The following MAP2K5 variants were observed in gnomAD, a reference collection of about 807,000 sequenced individuals.
MAP2K5 encodes dual specificity mitogen-activated protein kinase kinase 5.
MAP2K5 carries 49 observed loss-of-function variants against 83.1 expected under a neutral mutation model. That is an observed-to-expected ratio of 0.59 (90% CI 0.47 to 0.75). The LOEUF (loss-of-function observed/expected upper bound fraction) is 0.75. MAP2K5 is among the 30% of genes least tolerant of loss of function. The pLI is 0.00. For missense variants in MAP2K5, 457 were observed against 557.5 expected (o/e 0.82, Z 1.82); for synonymous variants, 202 against 191.8 (o/e 1.05, Z -0.44).
At chr15:67,706,232 T>C (rs181579094) in intron 16 of MAP2K5, among the ~76,000 whole-genome samples, 1 of 152,308 alleles carries the variant, frequency 6.6e-6, no homozygotes, top group Admixed American at 6.5e-5. Flanking sequence ...AGAGACTCTT[T>C]GTAGTGTAAG....
intron 4 of MAP2K5, among the ~76,000 whole-genome samples, chr15:67,585,249 G>A (rs2141001204): frequency 6.6e-6 from 1 of 152,180 alleles, no homozygotes; most frequent in East Asian, 1.9e-4. Flanking sequence ...TTGCTGAATT[G>A]GAAAAGTACT....
Position 67,717,998 on chromosome 15 carries a change from C to T in MAP2K5, c.1045-9918C>T, listed in dbSNP as rs2088866939. 1 of 152,180 alleles carries T rather than the reference C, an allele frequency of 6.6e-6. No individual in the cohort carries two copies. The highest frequency in any genetic ancestry group is 2.1e-4 in the South Asian group (1 of 4,822). 9.4% of individuals were successfully genotyped at this position (152,180 alleles called of 1,614,324 possible). ...GCTGTAGATTCTTTTAAGGCCATCA[C>T]TGGAAGCACGGCACATTTCAGAAAG... On this transcript the variant is annotated intron_variant, in intron 16 of 21. Coordinates refer to ENST00000178640, the MANE Select transcript of MAP2K5 (RefSeq NM_145160.3). This position sits in a 1 kb window ranked among gnomAD's most constrained non-coding sequence, Gnocchi z 4.1.
chr15:67,607,242 G>A (rs1012982237), intron 8 of MAP2K5, among the ~76,000 whole-genome samples: 1 of 152,088 alleles, frequency 6.6e-6, no homozygotes, highest in Non-Finnish European at 1.5e-5. Flanking sequence ...TATATGACTG[G>A]ATTGCATTAT....
intron 1 of MAP2K5, chr15:67,546,692 GT>G: frequency 1.2e-6 from 1 of 820,004 alleles, no homozygotes; most frequent in Non-Finnish European, 1.5e-6. Context: ...TGGTTAGTGT[GT>G]GATGAGAGAG....
At chr15:67,575,422 C>CA (rs1227912495) in intron 3 of MAP2K5, among the ~76,000 whole-genome samples, 1 of 152,142 alleles carries the variant, frequency 6.6e-6, no homozygotes, top group Non-Finnish European at 1.5e-5. Context: ...AGCCAGAGGT[C>CA]ACCTAGGTCA....
chr15:67,673,239 C>G (rs1459346991), intron 13 of MAP2K5, among the ~76,000 whole-genome samples: 1 of 151,688 alleles, frequency 6.6e-6, no homozygotes, highest in Admixed American at 6.6e-5. Context: ...AATGGTAGAT[C>G]CACCGGAAGT....
At chr15:67,666,340 A>T (rs906679191) in intron 13 of MAP2K5, among the ~76,000 whole-genome samples, 1 of 152,176 alleles carries the variant, frequency 6.6e-6, no homozygotes, top group Non-Finnish European at 1.5e-5. Flanking sequence ...CATGCTGATA[A>T]GTTGATGTAC....
intron 20 of MAP2K5, 59 bp from the exon 21 acceptor site, chr15:67,772,648 A>G (rs2090164341): frequency 4.3e-6 from 5 of 1,154,340 alleles, no homozygotes; most frequent in Admixed American, 5.0e-5. Context: ...GGTAGAAATT[A>G]TAGCAAAAAT....
chr15:67,672,090 C>G (rs1193752518), intron 13 of MAP2K5, among the ~76,000 whole-genome samples: 2 of 151,870 alleles, frequency 1.3e-5, no homozygotes, highest in Non-Finnish European at 2.9e-5. Flanking sequence ...GGTTCCAAGT[C>G]TTTGCTATTG....
Position 67,562,124 on chromosome 15 carries a change from G to A in MAP2K5, c.185-1159G>A, listed in dbSNP as rs556192351. Among the ~76,000 whole-genome samples the A allele has an allele frequency of 6.6e-6, 1 of 152,330 alleles. No homozygotes were observed. The highest frequency in any genetic ancestry group is 2.4e-5 in the African/African-American group (1 of 41,568). On this transcript the variant is annotated intron_variant, in intron 2 of 21. Transcript: ENST00000178640. This position sits in a 1 kb window ranked among gnomAD's most constrained non-coding sequence, Gnocchi z 4.1. ...CCAGAACTGAGGCATCCTGCTGAGAGCCTGCCCCTTCCAAGTTGTCCCCTT... is the reference window on the plus strand; with the variant it reads ...CCAGAACTGAGGCATCCTGCTGAGAACCTGCCCCTTCCAAGTTGTCCCCTT...
At chr15:67,711,487 A>G (rs938777685) in intron 16 of MAP2K5, among the ~76,000 whole-genome samples, 1 of 152,208 alleles carries the variant, frequency 6.6e-6, no homozygotes, top group African/African-American at 2.4e-5. Context: ...CTTTTGGACA[A>G]AGTTCACAAG....
intron 16 of MAP2K5, among the ~76,000 whole-genome samples, chr15:67,704,666 C>G (rs773854364): frequency 2.6e-5 from 4 of 152,146 alleles, no homozygotes; most frequent in Non-Finnish European, 5.9e-5. Context: ...ATGTATGCAT[C>G]AGCTGAGAGG....
chr15:67,614,994 T>C (rs895499302), intron 8 of MAP2K5, among the ~76,000 whole-genome samples: 1 of 151,976 alleles, frequency 6.6e-6, no homozygotes, highest in Non-Finnish European at 1.5e-5. Context: ...GGGCTCTGTT[T>C]TTTTTTCTTT....
chr15:67,791,834 G>A (rs930665673), intron 21 of MAP2K5, among the ~76,000 whole-genome samples: 1 of 152,226 alleles, frequency 6.6e-6, no homozygotes, highest in Non-Finnish European at 1.5e-5. Context: ...AAACTGGGTT[G>A]TCTTTAAATA....
chr15:67,754,992 G>T (rs984980953), intron 19 of MAP2K5, among the ~76,000 whole-genome samples: 15 of 152,274 alleles, frequency 9.9e-5, no homozygotes, highest in East Asian at 1.9e-4. Flanking sequence ...GATTGATTGA[G>T]ATGGAGTCTT....
chr15:67,713,300 A>T (rs1231248793), intron 16 of MAP2K5, among the ~76,000 whole-genome samples: 2 of 152,234 alleles, frequency 1.3e-5, no homozygotes, highest in African/African-American at 4.8e-5. Context: ...AGCTTAACAC[A>T]TCTAATTTTT....
rs1377721823 is a variant in MAP2K5 at position 67,567,693 on chromosome 15, T to A, written c.252+4343T>A. 2.6e-5 allele frequency among the ~76,000 whole-genome samples: 4 copies of A among 152,270 alleles called. No homozygotes were observed. The East Asian group carries it at 7.7e-4, about 29-fold the overall frequency. ...GTATTTTTTTAATTAGAATTTGAAATGCTTTATTAGAAAAAAAATACACAC... is the reference window on the plus strand; with the variant it reads ...GTATTTTTTTAATTAGAATTTGAAAAGCTTTATTAGAAAAAAAATACACAC... On this transcript the variant is annotated intron_variant, in intron 3 of 21. Transcript: ENST00000178640.
At chr15:67,633,374 G>A (rs540684487) in intron 9 of MAP2K5, among the ~76,000 whole-genome samples, 38 of 152,252 alleles carry the variant, frequency 2.5e-4, no homozygotes, top group Admixed American at 2.1e-3. Context: ...GTTATAAATC[G>A]TCTAGAAATC....
rs368117363 is a variant in MAP2K5, at chr15:67,585,775, A to G, written c.323-115A>G. The G allele has an allele frequency of 1.5e-3, 1,299 of 855,918 alleles. 23 individuals are homozygous for G. The South Asian group carries it at 0.016, about 10-fold the overall frequency. The allele number at this position is 855,918 out of a possible 1,614,324, so 53.0% of individuals were successfully genotyped here. A position where few individuals can be genotyped will look rare whatever the true frequency, so the allele number is the denominator to read the frequency against. ...TTTGGGTCTTGGGAGCCACTTTTCA[A>G]TCATTTCTCTCTGCTAATTTTGGTG... is the stretch of plus-strand genomic sequence containing the variant. On this transcript the variant is annotated intron_variant, in intron 4 of 21. Transcript: ENST00000178640.
Sources: gnomAD v4.1 joint callset for allele counts (sites outside exome capture counted in the v4.1 genomes callset) on GRCh38, gnomAD v4.1.1 for gene constraint, Gnocchi (gnomAD v3.1) non-coding constraint, MANE v1.5 for transcripts, NCBI Gene and HGNC (gene_info 2026-07-23, HGNC 2026-07-21) for gene names.